B3GALT1: variants seen among roughly 807,000 people sequenced by gnomAD.
B3GALT1 encodes beta-1,3-galactosyltransferase 1.
A neutral mutation model predicts 23.2 loss-of-function variants in B3GALT1; 10 were observed. The observed-to-expected ratio is 0.43, with a 90% CI of 0.27 to 0.73. The LOEUF (loss-of-function observed/expected upper bound fraction) is 0.73. B3GALT1 is among the 30% of genes least tolerant of loss of function. B3GALT1 has a pLI of 0.21. For synonymous variants in B3GALT1, 156 were observed against 141.5 expected, an observed-to-expected ratio of 1.10 and a Z score of -0.73; for missense variants, 299 against 405.4, an observed-to-expected ratio of 0.74 and a Z score of 2.25.
chr2:167,367,481 C>A (rs1559076852), intron 1 of B3GALT1, among the ~76,000 whole-genome samples: 1 of 152,262 alleles, frequency 6.6e-6, no homozygotes, highest in Non-Finnish European at 1.5e-5. Flanking sequence ...TACCATATTA[C>A]CTTGTAGAAA....
At chr2:167,527,760 A>T (rs1287388651) in intron 2 of B3GALT1, among the ~76,000 whole-genome samples, 1 of 152,114 alleles carries the variant, frequency 6.6e-6, no homozygotes, top group East Asian at 1.9e-4. Flanking sequence ...TCCTCTCTAA[A>T]AGTTGAAGAA....
intron 3 of B3GALT1, among the ~76,000 whole-genome samples, chr2:167,815,864 A>G (rs1688983806): frequency 6.6e-6 from 1 of 152,240 alleles, no homozygotes; most frequent in South Asian, 2.1e-4. Flanking sequence ...AACAATTTCT[A>G]CAGTCAATTT....
At chr2:167,555,899 G>A (rs574730433) in intron 2 of B3GALT1, among the ~76,000 whole-genome samples, 1 of 152,244 alleles carries the variant, frequency 6.6e-6, no homozygotes, top group South Asian at 2.1e-4. Context: ...ATACCAACAT[G>A]CACAATGACT....
At chr2:167,295,023 ATAGT>A (rs890501536) in intron 1 of B3GALT1, among the ~76,000 whole-genome samples, 4 of 152,196 alleles carry the variant, frequency 2.6e-5, no homozygotes, top group Non-Finnish European at 5.9e-5. Context: ...GCATTTTTCG[ATAGT>A]TATTTTTCAT....
intron 1 of B3GALT1, among the ~76,000 whole-genome samples, chr2:167,296,164 T>G (rs1696346797): frequency 6.6e-6 from 1 of 152,226 alleles, no homozygotes; most frequent in Non-Finnish European, 1.5e-5. Context: ...CCTAGGCCAC[T>G]AAATTCACTT....
chr2:167,810,423 A>G (rs963700384), intron 3 of B3GALT1, among the ~76,000 whole-genome samples: 7 of 150,682 alleles, frequency 4.6e-5, no homozygotes, highest in African/African-American at 7.5e-5. Flanking sequence ...TCTTGGCTCC[A>G]CCCTTTGTTT....
chr2:167,669,342 C>G (rs1425556090), intron 3 of B3GALT1, among the ~76,000 whole-genome samples: 1 of 152,106 alleles, frequency 6.6e-6, no homozygotes, highest in Non-Finnish European at 1.5e-5. Context: ...GTGCAAAATT[C>G]AAATAAGTTC....
At chr2:167,385,579 A>G (rs148833621) in intron 1 of B3GALT1, among the ~76,000 whole-genome samples, 1,339 of 98,028 alleles carry the variant, frequency 0.014, 4 homozygotes, top group Non-Finnish European at 0.025. Flanking sequence ...AATGGTAGGA[A>G]CAAAGACTAG....
chr2:167,589,482 A>G (rs1420728822), intron 2 of B3GALT1, among the ~76,000 whole-genome samples: 1 of 152,138 alleles, frequency 6.6e-6, no homozygotes, highest in African/African-American at 2.4e-5. Flanking sequence ...GTACATTCTT[A>G]CAAGGTGTAA....
At chr2:167,362,189 A>G (rs1278218776) in intron 1 of B3GALT1, among the ~76,000 whole-genome samples, 7 of 152,142 alleles carry the variant, frequency 4.6e-5, no homozygotes, top group Admixed American at 6.5e-5. Flanking sequence ...TATTTTGTAA[A>G]TTCTTCCACC....
intron 4 of B3GALT1, among the ~76,000 whole-genome samples, chr2:167,853,297 T>C (rs1242085987): frequency 1.3e-5 from 2 of 152,130 alleles, no homozygotes; most frequent in African/African-American, 2.4e-5. Flanking sequence ...TCTGCAAATG[T>C]TCTTAACTTA....
chr2:167,373,356 A>G (rs1209794597), intron 1 of B3GALT1, among the ~76,000 whole-genome samples: 1 of 152,118 alleles, frequency 6.6e-6, no homozygotes. Context: ...TAATAAGTAA[A>G]TTGTTTTTTA....
rs137898514 is a variant in B3GALT1, at chr2:167,671,928, T to G, written c.-352+24962T>G. On this transcript the variant is annotated intron_variant, in intron 3 of 4. Transcript: ENST00000392690. ...GACTCAAATAAATAAAACCATAAAT[T>G]AAAGAAGAGATATCACAATTGATAC... 8.5e-5 allele frequency among the ~76,000 whole-genome samples: 13 copies of G among 152,072 alleles called. No individual in the cohort carries two copies. The East Asian group carries it at 2.5e-3, about 29-fold the overall frequency.
intron 3 of B3GALT1, among the ~76,000 whole-genome samples, chr2:167,735,988 T>C (rs1218657823): frequency 1.3e-5 from 2 of 152,172 alleles, no homozygotes; most frequent in African/African-American, 2.4e-5. Flanking sequence ...ATATAAATTA[T>C]CACATTTGCA....
At chr2:167,535,581 G>GA (rs536304050) in intron 2 of B3GALT1, among the ~76,000 whole-genome samples, 2,341 of 137,986 alleles carry the variant, frequency 0.017, 28 homozygotes, top group Middle Eastern at 0.023. Context: ...AAGACAAAAA[G>GA]AAAAAAAAAA....
intron 3 of B3GALT1, among the ~76,000 whole-genome samples, chr2:167,648,151 C>CTG (rs1193782557): frequency 6.6e-6 from 1 of 152,074 alleles, no homozygotes; most frequent in Non-Finnish European, 1.5e-5. Context: ...CAAAAACCTC[C>CTG]TGAACAGTCA....
At chr2:167,415,521 T>TA (rs775830754) in intron 1 of B3GALT1, among the ~76,000 whole-genome samples, 67 of 152,234 alleles carry the variant, frequency 4.4e-4, no homozygotes, top group Middle Eastern at 3.4e-3. Context: ...TGATAATAAA[T>TA]ACGTAAAAAT....
At position 167,870,205 on chromosome 2, in the gene B3GALT1, T is replaced by G; in HGVS notation, c.*185T>G. ...TGTTAGACTCTGGTCATAGAAACAA[T>G]AAATGAGTTAGAAGGGCCAGATTTC... On this transcript the variant is annotated 3_prime_UTR_variant, in exon 5 of 5. Coordinates refer to ENST00000392690, the MANE Select transcript of B3GALT1 (RefSeq NM_020981.4). 3 of 580,450 alleles carry G rather than the reference T, an allele frequency of 5.2e-6. No homozygotes were observed. The highest frequency in any genetic ancestry group is 3.3e-5 in the Admixed American group (1 of 30,044). 36.0% of individuals were successfully genotyped at this position (580,450 alleles called of 1,614,324 possible). A position where few individuals can be genotyped will look rare whatever the true frequency, so the allele number is the denominator to read the frequency against.
intron 1 of B3GALT1, among the ~76,000 whole-genome samples, chr2:167,338,527 T>C (rs1188537140): frequency 1.3e-5 from 2 of 152,086 alleles, no homozygotes; most frequent in African/African-American, 2.4e-5. Context: ...ACTTAGTAGA[T>C]GATATAAATG....
Sources: allele counts gnomAD v4.1 joint callset (sites outside exome capture counted in the v4.1 genomes callset), GRCh38; gene constraint gnomAD v4.1.1; transcripts MANE v1.5; gene names NCBI Gene and HGNC (gene_info 2026-07-23, HGNC 2026-07-21).